The following PHACTR1 variants were observed in gnomAD, a reference collection of about 807,000 sequenced individuals.
PHACTR1 encodes phosphatase and actin regulator 1, also known as RPEL repeat containing 1.
In PHACTR1, 16 loss-of-function variants were observed where a neutral mutation model predicts 69.2. The observed-to-expected ratio is 0.23, with a 90% CI of 0.16 to 0.35. PHACTR1 has a LOEUF of 0.35. Ranked by LOEUF, PHACTR1 falls within the 10% of genes least tolerant of loss-of-function variation. The pLI is 1.00. For synonymous variants in PHACTR1, 312 were observed against 284.5 expected, an observed-to-expected ratio of 1.10 and a Z score of -0.97; for missense variants, 510 against 734.7, an observed-to-expected ratio of 0.69 and a Z score of 3.54.
At position 13,160,300 on chromosome 6, in the gene PHACTR1, CT is replaced by C. The variant is rs1368656137; in HGVS notation, c.496+17del. The stretch of plus-strand genomic sequence containing the variant: ...TATGATAAAGGTAAGGAGGATTGGT[CT>C]GTCATCCCCGGGTCAAAGAGTCATG... On this transcript the variant is annotated intron_variant, in intron 6 of 14. Transcript: ENST00000332995. 1 of 1,606,888 alleles carries C rather than the reference CT, an allele frequency of 6.2e-7. No homozygotes were observed. The highest frequency in any genetic ancestry group is 8.5e-7 in the Non-Finnish European group (1 of 1,173,694).
chr6:13,097,115 G>A (rs1041383527), intron 5 of PHACTR1, among the ~76,000 whole-genome samples: 1 of 152,106 alleles, frequency 6.6e-6, no homozygotes, highest in Admixed American at 6.5e-5. Context: ...CTTGTTCCAG[G>A]ACAAAGTTAA....
At chr6:12,939,493 C>G (rs1236503390) in intron 4 of PHACTR1, among the ~76,000 whole-genome samples, 1 of 152,114 alleles carries the variant, frequency 6.6e-6, no homozygotes, top group Admixed American at 6.5e-5. Flanking sequence ...CCAGTCACTT[C>G]TCGTATCTAG....
At chr6:13,005,020 T>A (rs1286354370) in intron 4 of PHACTR1, among the ~76,000 whole-genome samples, 3 of 151,712 alleles carry the variant, frequency 2.0e-5, no homozygotes, top group African/African-American at 4.8e-5. Context: ...CAAATGAATA[T>A]CTTTAAATTT....
At chr6:12,841,079 C>T (rs1403011417) in intron 4 of PHACTR1, among the ~76,000 whole-genome samples, 7 of 152,156 alleles carry the variant, frequency 4.6e-5, no homozygotes, top group Non-Finnish European at 8.8e-5. Flanking sequence ...GAACTGACTT[C>T]GTTTTTTTAC....
At chr6:12,818,932 A>G (rs1359343514) in intron 4 of PHACTR1, among the ~76,000 whole-genome samples, 1 of 152,262 alleles carries the variant, frequency 6.6e-6, no homozygotes, top group African/African-American at 2.4e-5. Flanking sequence ...ATGCAGGCAT[A>G]GGACATGCCA....
chr6:13,186,993 TAAGG>T (rs1012593426), intron 7 of PHACTR1, among the ~76,000 whole-genome samples: 3 of 152,174 alleles, frequency 2.0e-5, no homozygotes, highest in Admixed American at 2.0e-4. Flanking sequence ...TGGATTTTCA[TAAGG>T]AACATGCAGC....
chr6:13,217,953 T>G (rs1251132727), intron 8 of PHACTR1, among the ~76,000 whole-genome samples: 2 of 152,250 alleles, frequency 1.3e-5, no homozygotes, highest in African/African-American at 4.8e-5. Context: ...CTCTGAAAAC[T>G]CTCTTCATAA....
Position 12,750,444 on chromosome 6 carries a change from G to A in PHACTR1, c.250+654G>A, listed in dbSNP as rs113831076. ...ACATGAAGGAGAGAAGAAATGAGAA[G>A]GGAAGATAGGGAGGAAAGGAAGGAA... On this transcript the variant is annotated intron_variant, in intron 4 of 14. Transcript: ENST00000332995. Among the ~76,000 whole-genome samples, 842 of 151,178 alleles carry A rather than the reference G, an allele frequency of 5.6e-3. 5 individuals are homozygous for A. Among genetic ancestry groups the A allele is most frequent in the African/African-American group, 0.02 (809 of 41,132 alleles).
chr6:12,934,938 C>T (rs1789274767), intron 4 of PHACTR1, among the ~76,000 whole-genome samples: 1 of 152,164 alleles, frequency 6.6e-6, no homozygotes, highest in Non-Finnish European at 1.5e-5. Context: ...ATGTACAAGA[C>T]CCTGTCTCTA....
intron 5 of PHACTR1, among the ~76,000 whole-genome samples, chr6:13,155,505 C>A (rs373063129): frequency 1.2e-4 from 19 of 152,324 alleles, no homozygotes; most frequent in East Asian, 7.7e-4. Flanking sequence ...TTTGACCCCA[C>A]TGAAACTTAG....
At chr6:13,090,933 T>G (rs1032669203) in intron 5 of PHACTR1, among the ~76,000 whole-genome samples, 1 of 151,860 alleles carries the variant, frequency 6.6e-6, no homozygotes, top group Admixed American at 6.6e-5. Context: ...CATTGTAATA[T>G]ATAATGAAAT....
In PHACTR1 at chr6:12,976,988, CAG is replaced by C. The variant is rs532358944; in HGVS notation, c.251-76374_251-76373del. Among the ~76,000 whole-genome samples, 1,074 of 152,278 alleles carry C rather than the reference CAG, an allele frequency of 7.1e-3. 15 individuals are homozygous for C. The highest frequency in any genetic ancestry group is 0.024 in the African/African-American group (1,017 of 41,562). On this transcript the variant is annotated intron_variant, in intron 4 of 14. Coordinates refer to ENST00000332995, the MANE Select transcript of PHACTR1 (RefSeq NM_030948.6). ...TCTGCAGTGTTTGTTTGTTTTGAGA[CAG>C]AGTCTCGCTCTGTTGCTCAGGCTGG... is the stretch of plus-strand genomic sequence containing the variant.
At chr6:12,793,900 T>C (rs768687825) in intron 4 of PHACTR1, among the ~76,000 whole-genome samples, 4 of 152,206 alleles carry the variant, frequency 2.6e-5, no homozygotes, top group Middle Eastern at 3.2e-3. Flanking sequence ...TGAATTCATG[T>C]GAACTAGAAA....
chr6:12,840,646 T>C (rs1273270629), intron 4 of PHACTR1, among the ~76,000 whole-genome samples: 1 of 152,194 alleles, frequency 6.6e-6, no homozygotes, highest in Non-Finnish European at 1.5e-5. Context: ...AGTAAAATCC[T>C]AGATAGAAAT....
intron 5 of PHACTR1, among the ~76,000 whole-genome samples, chr6:13,078,591 C>T (rs547871668): frequency 3.3e-5 from 5 of 152,194 alleles, no homozygotes; most frequent in African/African-American, 9.6e-5. Flanking sequence ...TGGAGGTTTG[C>T]GAGCAGTTCA....
chr6:12,929,098 A>G (rs188767687), intron 4 of PHACTR1, among the ~76,000 whole-genome samples: 38 of 152,318 alleles, frequency 2.5e-4, no homozygotes, highest in South Asian at 4.1e-4. Flanking sequence ...CTTTACCTCC[A>G]ATCCCCCTCA....
intron 4 of PHACTR1, among the ~76,000 whole-genome samples, chr6:12,874,476 C>T (rs147981596): frequency 2.0e-5 from 3 of 152,180 alleles, no homozygotes; most frequent in East Asian, 1.9e-4. Flanking sequence ...TATCTTTCTT[C>T]TTCCTCAAAA....
At chr6:13,165,042 T>C (rs1759588188) in intron 6 of PHACTR1, among the ~76,000 whole-genome samples, 1 of 152,196 alleles carries the variant, frequency 6.6e-6, no homozygotes, top group Non-Finnish European at 1.5e-5. Flanking sequence ...AGGAAATAGT[T>C]TGATCTCTAG....
intron 4 of PHACTR1, among the ~76,000 whole-genome samples, chr6:12,894,826 C>G (rs571928401): frequency 6.6e-6 from 1 of 152,100 alleles, no homozygotes; most frequent in Non-Finnish European, 1.5e-5. Flanking sequence ...TCCAAAAAAG[C>G]AAAAATTAAA....
Sources: allele counts gnomAD v4.1 joint callset (sites outside exome capture counted in the v4.1 genomes callset), GRCh38; gene constraint gnomAD v4.1.1; transcripts MANE v1.5; gene names NCBI Gene and HGNC (gene_info 2026-07-23, HGNC 2026-07-21).